INO80C: variants seen among roughly 807,000 people sequenced by gnomAD.
INO80C encodes IES6 homolog.
A neutral mutation model predicts 17.7 loss-of-function variants in INO80C; 17 were observed. That is an observed-to-expected ratio of 0.96 (90% CI 0.66 to 1.44). INO80C has a LOEUF of 1.44. INO80C is among the 40% of genes most tolerant of loss of function. The pLI is 0.00. For missense variants in INO80C, 244 were observed against 245.0 expected, an observed-to-expected ratio of 1.00 and a Z score of 0.03; for synonymous variants, 96 against 95.8, an observed-to-expected ratio of 1.00 and a Z score of -0.01.
intron 1 of INO80C, among the ~76,000 whole-genome samples, chr18:35,491,842 G>A (rs1175107134): frequency 6.6e-6 from 1 of 152,194 alleles, no homozygotes; most frequent in Non-Finnish European, 1.5e-5. Context: ...ACCCTAAGAG[G>A]AGAGGAAGGA....
intron 1 of INO80C, among the ~76,000 whole-genome samples, chr18:35,486,484 T>C (rs1339135146): frequency 6.6e-6 from 1 of 152,226 alleles, no homozygotes; most frequent in Non-Finnish European, 1.5e-5. Flanking sequence ...CACTAAATTA[T>C]ACACTTTAAA....
chr18:35,487,876 C>A (rs1567986536), intron 1 of INO80C: 1 of 152,172 alleles, frequency 6.6e-6, no homozygotes, highest in Admixed American at 6.5e-5. Context: ...AGGGTACAGG[C>A]ATTGGATAAA....
At chr18:35,496,862 T>A (rs971436592) in intron 1 of INO80C, 4 of 152,210 alleles carry the variant, frequency 2.6e-5, no homozygotes, top group Non-Finnish European at 5.9e-5. Flanking sequence ...AATTTGTGCA[T>A]TGTACTCTGT....
intron 1 of INO80C, among the ~76,000 whole-genome samples, chr18:35,490,267 C>T (rs1402440392): frequency 6.6e-6 from 1 of 152,188 alleles, no homozygotes; most frequent in Non-Finnish European, 1.5e-5. Flanking sequence ...AATCATCTAA[C>T]CATTCATAGA....
chr18:35,497,444 G>A (rs537173630), intron 1 of INO80C: 2 of 1,244,084 alleles, frequency 1.6e-6, no homozygotes, highest in African/African-American at 3.2e-5. Flanking sequence ...TCATGCTAAA[G>A]GCGACCTCGA....
chr18:35,479,443 A>C (rs780843255), intron 2 of INO80C, 32 bp from the exon 3 acceptor site: 1 of 1,369,750 alleles, frequency 7.3e-7, no homozygotes, highest in South Asian at 1.2e-5. Flanking sequence ...AGAAGAAACA[A>C]AAACCAATGG....
At position 35,497,713 on chromosome 18, in the gene INO80C, G is replaced by T. The variant is rs751429076; in HGVS notation, c.156+6C>A. ...GCACGCGCAGCCTGGGAGCGCGACT[G>T]CGTACCTGCGCAAAGCTGGAAGCGG... On this transcript the variant is annotated splice_donor_region_variant and intron_variant, in intron 1 of 4. Transcript: ENST00000334598. 1 of 1,610,548 alleles carries T rather than the reference G, an allele frequency of 6.2e-7. No individual in the cohort carries two copies. The highest frequency in any genetic ancestry group is 8.5e-7 in the Non-Finnish European group (1 of 1,178,770).
chr18:35,473,203 T>C (rs547218497), intron 4 of INO80C, among the ~76,000 whole-genome samples: 6 of 152,220 alleles, frequency 3.9e-5, no homozygotes, highest in Non-Finnish European at 7.3e-5. Context: ...ATTTCCACTT[T>C]GGGTCATAAC....
intron 1 of INO80C, 83 bp downstream of exon 1, chr18:35,497,636 T>C (rs1422896666): frequency 1.3e-6 from 2 of 1,512,748 alleles, no homozygotes; most frequent in Non-Finnish European, 1.8e-6. Context: ...CGCCCCACAT[T>C]ACGCACGCGC....
chr18:35,481,837 T>C (rs1333249701), intron 1 of INO80C, among the ~76,000 whole-genome samples: 2 of 152,134 alleles, frequency 1.3e-5, no homozygotes, highest in Admixed American at 6.5e-5. Context: ...TGAGCCGAGA[T>C]CATGCCACTG....
chr18:35,468,436 GA>G lies in INO80C; in HGVS notation c.*174del. 7.1e-7 allele frequency: 1 copy of G among 1,416,840 alleles called. No individual in the cohort carries two copies. The highest frequency in any genetic ancestry group is 9.1e-7 in the Non-Finnish European group (1 of 1,092,992). 87.8% of individuals were successfully genotyped at this position (1,416,840 alleles called of 1,614,324 possible). A position where few individuals can be genotyped will look rare whatever the true frequency, so the allele number is the denominator to read the frequency against. ...CAGCAGGAAATATCACACTTGGAGG[GA>G]AAACACACACTAAAAAAAAAAAAAA... On this transcript the variant is annotated 3_prime_UTR_variant, in exon 5 of 5. Coordinates refer to ENST00000334598, the MANE Select transcript of INO80C (RefSeq NM_194281.4).
intron 4 of INO80C, 45 bp from the exon 5 acceptor site, chr18:35,468,787 T>C (rs1567976196): frequency 6.4e-7 from 1 of 1,570,056 alleles, no homozygotes; most frequent in Non-Finnish European, 8.7e-7. Flanking sequence ...TTTTTGCTGG[T>C]AGGGATATTT....
Position 35,468,544 on chromosome 18 carries a change from GAAACA to G in INO80C, c.*62_*66del, listed in dbSNP as rs1441520348. 32 of 1,602,600 alleles carry G rather than the reference GAAACA, an allele frequency of 2.0e-5. No individual in the cohort carries two copies. The East Asian group carries it at 7.0e-4, about 35-fold the overall frequency. On this transcript the variant is annotated 3_prime_UTR_variant, in exon 5 of 5. Coordinates refer to ENST00000334598, the MANE Select transcript of INO80C (RefSeq NM_194281.4). The stretch of plus-strand genomic sequence containing the variant: ...GACAGCAGAACGAGTTTGTTTCCGT[GAAACA>G]AAATCATGAGTCCAGAGTCTGTTTT...
intron 1 of INO80C, among the ~76,000 whole-genome samples, chr18:35,484,875 G>A (rs538231469): frequency 2.0e-5 from 3 of 152,212 alleles, no homozygotes; most frequent in Non-Finnish European, 4.4e-5. Context: ...ACATCTTGTG[G>A]TGTCAGAAAG....
chr18:35,494,618 C>T (rs1435375184), intron 1 of INO80C, among the ~76,000 whole-genome samples: 1 of 152,190 alleles, frequency 6.6e-6, no homozygotes, highest in African/African-American at 2.4e-5. Flanking sequence ...CCCAAAAGAA[C>T]AGAATTCTGC....
In INO80C at chr18:35,480,308, C is replaced by T. The variant is rs557411398; in HGVS notation, c.267+145G>A. On this transcript the variant is annotated intron_variant, in intron 2 of 4. Coordinates refer to ENST00000334598, the MANE Select transcript of INO80C (RefSeq NM_194281.4). ...TCAACAGAAAGAACCCTTCTCTTGT[C>T]CCCATCTTGCCCATAGGGGAGAAGG... 31 of 650,320 alleles carry T rather than the reference C, an allele frequency of 4.8e-5. No homozygotes were observed. The East Asian group carries it at 6.1e-4, about 13-fold the overall frequency. 40.3% of individuals were successfully genotyped at this position (650,320 alleles called of 1,614,324 possible). A position where few individuals can be genotyped will look rare whatever the true frequency, so the allele number is the denominator to read the frequency against.
intron 2 of INO80C, among the ~76,000 whole-genome samples, chr18:35,479,875 C>T (rs1198598311): frequency 6.7e-6 from 1 of 148,394 alleles, no homozygotes; most frequent in African/African-American, 2.6e-5. Flanking sequence ...GGGTACTCTT[C>T]TAGGTACCTC....
At chr18:35,470,792 A>C (rs922766409) in intron 4 of INO80C, among the ~76,000 whole-genome samples, 1 of 152,226 alleles carries the variant, frequency 6.6e-6, no homozygotes, top group Non-Finnish European at 1.5e-5. Flanking sequence ...TAGGATTCTG[A>C]ATAGAAGGAA....
chr18:35,496,560 G>C (rs1028201631), intron 1 of INO80C, among the ~76,000 whole-genome samples: 2 of 152,034 alleles, frequency 1.3e-5, no homozygotes, highest in Non-Finnish European at 2.9e-5. Context: ...CTGTAGTTTT[G>C]TTTTGTTTTG....
Sources: allele counts gnomAD v4.1 joint callset (sites outside exome capture counted in the v4.1 genomes callset), GRCh38; gene constraint gnomAD v4.1.1; transcripts MANE v1.5; gene names NCBI Gene and HGNC (gene_info 2026-07-23, HGNC 2026-07-21).